The following TCHP variants were observed in gnomAD, a reference collection of about 807,000 sequenced individuals.
The protein encoded by TCHP is trichoplein keratin filament binding, also known as trichoplein keratin filament-binding protein.
Under a neutral mutation model 88.7 loss-of-function variants are expected in TCHP, and 81 were observed. That is an observed-to-expected ratio of 0.91 (90% CI 0.76 to 1.10). The LOEUF is 1.10. TCHP is among the 50% of genes least tolerant of loss of function. The pLI, the probability that TCHP is intolerant of heterozygous loss-of-function variation, is 0.00. For missense variants in TCHP, 641 were observed against 632.1 expected, an observed-to-expected ratio of 1.01 and a Z score of -0.15; for synonymous variants, 232 against 232.5, an observed-to-expected ratio of 1.00 and a Z score of 0.02.
In TCHP at chr12:109,917,075, G is replaced by A. The variant is rs1417153809; in HGVS notation, c.*452G>A. ...TTAGTCTATTAAAAACAAACCTAGAGGTCTTGGTGCAGTTGATTTCAGAGT... is the reference window on the plus strand; with the variant it reads ...TTAGTCTATTAAAAACAAACCTAGAAGTCTTGGTGCAGTTGATTTCAGAGT... On this transcript the variant is annotated 3_prime_UTR_variant, in exon 13 of 13. Coordinates refer to ENST00000405876, the MANE Select transcript of TCHP (RefSeq NM_001143852.2). 5 of 154,470 alleles carry A rather than the reference G, an allele frequency of 3.2e-5. No homozygotes were observed. In the Admixed American group the frequency reaches 3.3e-4, roughly 10 times the overall value. 9.6% of individuals were successfully genotyped at this position (154,470 alleles called of 1,614,324 possible).
In TCHP at chr12:109,908,890, T is replaced by C; in HGVS notation, c.832T>C (p.Tyr278His). ...AELGRFLRHQYNAQLSRRTQQ... is the reference protein window; with the variant it reads ...AELGRFLRHQHNAQLSRRTQQ... ...CTTCAGGCGTTTCTTGAGACATCAG[T>C]ATAACGCTCAACTCAGCAGACGCAC... The change falls in exon 8 of 13, where the codon TAT becomes CAT. Residue 278 changes from tyrosine (Y) to histidine (H), a missense_variant. Transcript: ENST00000405876. The C allele has an allele frequency of 6.2e-7, 1 of 1,614,222 alleles. No individual in the cohort carries two copies. Among genetic ancestry groups the C allele is most frequent in the South Asian group, 1.1e-5 (1 of 91,086 alleles).
rs1357825282 is a variant in TCHP, at chr12:109,914,611, A to G, written c.1304A>G (p.Gln435Arg). ...GAAAAGCTGAAATCGGCCAGGAAGC[A>G]GGAGCTGGAAGCCCAGGTAGGGCTG... is the stretch of plus-strand genomic sequence containing the variant. The part of the protein sequence containing the change: ...ESEKLKSARK[Q>R]ELEAQVAERR... The change falls in exon 11 of 13, where the codon CAG (glutamine) becomes CGG (arginine). Residue 435 changes from glutamine (Q) to arginine (R), a missense_variant. Transcript: ENST00000405876. 2 of 1,611,392 alleles carry G rather than the reference A, an allele frequency of 1.2e-6. No homozygotes were observed. The highest frequency in any genetic ancestry group is 1.7e-5 in the Admixed American group (1 of 59,776).
rs748891267 is a variant in TCHP at position 109,908,862 on chromosome 12, C to A, written c.813-9C>A. On this transcript the variant is annotated splice_polypyrimidine_tract_variant and intron_variant, in intron 7 of 12. Coordinates refer to ENST00000405876, the MANE Select transcript of TCHP (RefSeq NM_001143852.2). ...TACTGAAGGCAGCCCACATTTGATT[C>A]TCCTTCAGGCGTTTCTTGAGACATC... The A allele has an allele frequency of 4.3e-6, 7 of 1,614,082 alleles. No individual in the cohort carries two copies. The highest frequency in any genetic ancestry group is 3.3e-5 in the Admixed American group (2 of 60,010).
rs1870286113 is a variant in TCHP at position 109,908,595 on chromosome 12, C to CTTCTT, written c.710_711insTCTTT (p.Lys238LeufsTer2). The CTTCTT allele has an allele frequency of 6.3e-7, 1 of 1,598,372 alleles. No individual in the cohort carries two copies. The highest frequency in any genetic ancestry group is 8.5e-7 in the Non-Finnish European group (1 of 1,174,168). On this transcript the variant is annotated frameshift_variant, in exon 7 of 13. Transcript: ENST00000405876. LOFTEE classifies it high-confidence loss of function. Reference sequence around the variant, plus strand: ...CTCATCATCACCACAGGCGACCAAACTAAAGAAGGAGCAGGAGAATCTGTT... The same window carrying CTTCTT: ...CTCATCATCACCACAGGCGACCAAACTTCTTTAAAGAAGGAGCAGGAGAATCTGTT...
At chr12:109,886,240 C>G in the TCHP span, among the ~76,000 whole-genome samples, 1 of 152,056 alleles carries the variant, frequency 6.6e-6, no homozygotes, top group Non-Finnish European at 1.5e-5. Flanking sequence ...CAGGTTCAAT[C>G]GATTCTTCTG....
At position 109,905,469 on chromosome 12, in the gene TCHP, T is replaced by C. The variant is rs188191200; in HGVS notation, c.456+676T>C. On this transcript the variant is annotated intron_variant, in intron 4 of 12. Coordinates refer to ENST00000405876, the MANE Select transcript of TCHP (RefSeq NM_001143852.2). This position sits in a 1 kb window ranked among gnomAD's most constrained non-coding sequence, Gnocchi z 4.0. ...TTCAGAGAGACTCCTCTGGTAGCAA[T>C]GTGCCCGCCGACAGGGAGGGGTGCT... is the stretch of plus-strand genomic sequence containing the variant. Among the ~76,000 whole-genome samples, 226 of 152,148 alleles carry C rather than the reference T, an allele frequency of 1.5e-3. 3 individuals carry two copies. Among genetic ancestry groups the C allele is most frequent in the Non-Finnish European group, 3.7e-4 (25 of 67,986 alleles).
the TCHP span, among the ~76,000 whole-genome samples, chr12:109,890,629 C>A: frequency 6.6e-6 from 1 of 151,908 alleles, no homozygotes; most frequent in Non-Finnish European, 1.5e-5. Flanking sequence ...CCCACCTCAG[C>A]CTCCCGAGTA....
intron 8 of TCHP, 77 bp from the exon 9 acceptor site, chr12:109,910,986 G>A (rs1870448932): frequency 7.0e-7 from 1 of 1,427,324 alleles, no homozygotes; most frequent in Non-Finnish European, 9.2e-7. Context: ...GGAAAGGGAG[G>A]GCAGGCCCCT....
At chr12:109,899,808 C>CT (rs985244017), upstream of TCHP, among the ~76,000 whole-genome samples, 15 of 151,684 alleles carry the variant, frequency 9.9e-5, no homozygotes, top group South Asian at 4.2e-4. Context: ...ATTTTTTCTT[C>CT]TTTTTTTTGA....
rs759140954 is a variant in TCHP, at chr12:109,906,680, G to C, written c.525+40G>C. 28 of 1,531,756 alleles carry C rather than the reference G, an allele frequency of 1.8e-5. 1 individual carries two copies. In the South Asian group the frequency reaches 1.9e-4, roughly 10 times the overall value. 94.9% of individuals were successfully genotyped at this position (1,531,756 alleles called of 1,614,324 possible). On this transcript the variant is annotated intron_variant, in intron 5 of 12. Transcript: ENST00000405876. ...TCTGGGAATAGCCGCGTATTCTGCT[G>C]TGCGAGACTGTTCACGTCTTTGCAT...
chr12:109,901,873 G>GA (rs1869818010), intron 1 of TCHP, among the ~76,000 whole-genome samples: 1 of 152,180 alleles, frequency 6.6e-6, no homozygotes, highest in African/African-American at 2.4e-5. Flanking sequence ...CTAAATAAAG[G>GA]ACTCTTAATT....
At chr12:109,898,074 T>C (rs76223506), upstream of TCHP, among the ~76,000 whole-genome samples, 4,687 of 152,226 alleles carry the variant, frequency 0.031, 165 homozygotes, top group African/African-American at 0.085. Flanking sequence ...CAGACCCTGA[T>C]TAAACAGGTG....
rs1258858335 is a variant in TCHP, at chr12:109,912,139, A to G, written c.1053-852A>G. On this transcript the variant is annotated intron_variant, in intron 9 of 12. Coordinates refer to ENST00000405876, the MANE Select transcript of TCHP (RefSeq NM_001143852.2). ...ATGTTGAATGCTGCTTACATCTATA[A>G]AACTGAGTTTGGGTCCTAAAGACTA... Among the ~76,000 whole-genome samples the G allele has an allele frequency of 2.6e-5, 4 of 152,228 alleles. No homozygotes were observed. The East Asian group carries it at 7.7e-4, about 29-fold the overall frequency.
chr12:109,891,703 A>C, the TCHP span, among the ~76,000 whole-genome samples: 1 of 149,568 alleles, frequency 6.7e-6, no homozygotes, highest in Non-Finnish European at 1.5e-5. Flanking sequence ...GCCCAGCCCC[A>C]ATATTTGCTT....
intron 8 of TCHP, 78 bp from the exon 9 acceptor site, chr12:109,910,985 G>A: frequency 1.4e-6 from 2 of 1,427,768 alleles, no homozygotes; most frequent in Non-Finnish European, 1.8e-6. Flanking sequence ...AGGAAAGGGA[G>A]GGCAGGCCCC....
At chr12:109,889,029 C>T in the TCHP span, among the ~76,000 whole-genome samples, 1 of 145,508 alleles carries the variant, frequency 6.9e-6, no homozygotes, top group African/African-American at 2.5e-5. Flanking sequence ...GGTCCTGTCA[C>T]CAAAAAAAAA....
At chr12:109,910,369 T>C (rs562758548) in intron 8 of TCHP, among the ~76,000 whole-genome samples, 47 of 152,292 alleles carry the variant, frequency 3.1e-4, no homozygotes, top group African/African-American at 1.1e-3. Context: ...CAGGCTGGAT[T>C]GCAATGGCGC....
In TCHP at chr12:109,916,752, C is replaced by A; in HGVS notation, c.*129C>A. On this transcript the variant is annotated 3_prime_UTR_variant, in exon 13 of 13. Coordinates refer to ENST00000405876, the MANE Select transcript of TCHP (RefSeq NM_001143852.2). ...CTGTCAGATGGCTCAGCAGTGCCTGCTCAGGTTCATCATTGAAACATCCCA... is the reference window on the plus strand; with the variant it reads ...CTGTCAGATGGCTCAGCAGTGCCTGATCAGGTTCATCATTGAAACATCCCA... 2.5e-6 allele frequency: 2 copies of A among 806,440 alleles called. No homozygotes were observed. Among genetic ancestry groups the A allele is most frequent in the Non-Finnish European group, 4.0e-6 (2 of 501,034 alleles). 50.0% of individuals were successfully genotyped at this position (806,440 alleles called of 1,614,324 possible).
chr12:109,897,026 T>C (rs1225245796), upstream of TCHP, among the ~76,000 whole-genome samples: 1 of 152,206 alleles, frequency 6.6e-6, no homozygotes, highest in African/African-American at 2.4e-5. Context: ...TCCCTGCTCT[T>C]GTGTTGCAGC....
Sources: gnomAD v4.1 joint callset for allele counts (sites outside exome capture counted in the v4.1 genomes callset) on GRCh38, gnomAD v4.1.1 for gene constraint, Gnocchi (gnomAD v3.1) non-coding constraint, MANE v1.5 for transcripts, NCBI Gene and HGNC (gene_info 2026-07-23, HGNC 2026-07-21) for gene names.